FGF14: variants seen among roughly 807,000 people sequenced by gnomAD.
FGF14 encodes the protein fibroblast growth factor homologous factor 4.
A neutral mutation model predicts 25.5 loss-of-function variants in FGF14; 5 were observed. The ratio of observed to expected loss-of-function variants is 0.20; its 90% CI spans 0.10 to 0.41. The LOEUF (loss-of-function observed/expected upper bound fraction) is 0.41, where lower values mean the gene tolerates loss of function less well. Ranked by LOEUF, FGF14 falls within the 10% of genes least tolerant of loss-of-function variation. The probability of loss-of-function intolerance (pLI) is 1.00; values close to 1 mark genes in which losing one functional copy is unlikely to be tolerated. For missense variants in FGF14, 222 were observed against 320.1 expected (o/e 0.69, Z 2.34); for synonymous variants, 138 against 118.3 (o/e 1.17, Z -1.08).
intron 1 of FGF14, among the ~76,000 whole-genome samples, chr13:102,200,973 G>A (rs1454203354): frequency 6.6e-6 from 1 of 151,796 alleles, no homozygotes; most frequent in Non-Finnish European, 1.5e-5. Context: ...GTGGTGGGGG[G>A]CGCCTGTAGT....
intron 3 of FGF14, among the ~76,000 whole-genome samples, chr13:101,864,663 A>G: frequency 6.6e-6 from 1 of 152,122 alleles, no homozygotes; most frequent in East Asian, 1.9e-4. Flanking sequence ...AAAGGATTAT[A>G]TTTCTCTCCA....
intron 1 of FGF14, among the ~76,000 whole-genome samples, chr13:102,222,060 C>T (rs544647489): frequency 1.7e-3 from 252 of 152,246 alleles, no homozygotes; most frequent in African/African-American, 5.5e-3. Context: ...TTATTATACA[C>T]CTCCAAATCC....
chr13:102,177,409 T>G (rs1027200602), intron 1 of FGF14, among the ~76,000 whole-genome samples: 2 of 152,176 alleles, frequency 1.3e-5, no homozygotes, highest in Non-Finnish European at 2.9e-5. Flanking sequence ...GGTGTGCCTC[T>G]CACTTCTTTA....
At chr13:101,914,190 A>T (rs1388942042) in intron 1 of FGF14, among the ~76,000 whole-genome samples, 1 of 151,256 alleles carries the variant, frequency 6.6e-6, no homozygotes, top group Non-Finnish European at 1.5e-5. Context: ...ATAAGACTTA[A>T]TTAAATGAAT....
At chr13:102,370,693 T>C (rs2057853462) in intron 1 of FGF14, among the ~76,000 whole-genome samples, 2 of 152,230 alleles carry the variant, frequency 1.3e-5, no homozygotes, top group Non-Finnish European at 1.5e-5. Flanking sequence ...TTTGCCAATG[T>C]GCATCCTGTT....
intron 3 of FGF14, among the ~76,000 whole-genome samples, chr13:101,744,950 C>T (rs1455021949): frequency 1.3e-5 from 2 of 151,828 alleles, no homozygotes; most frequent in Admixed American, 1.3e-4. Flanking sequence ...AAAGAAGGCA[C>T]CAAACATCAA....
intron 1 of FGF14, among the ~76,000 whole-genome samples, chr13:102,050,761 A>C (rs927711517): frequency 2.0e-5 from 3 of 152,166 alleles, no homozygotes; most frequent in Non-Finnish European, 4.4e-5. Context: ...AAAAATTGGC[A>C]GCAATACAGT....
At chr13:101,811,161 T>C (rs960556419) in intron 3 of FGF14, among the ~76,000 whole-genome samples, 14 of 152,190 alleles carry the variant, frequency 9.2e-5, no homozygotes, top group African/African-American at 3.4e-4. Context: ...CTCTTGGTGC[T>C]GCACATTCCA....
chr13:101,980,580 G>A (rs889940094), intron 1 of FGF14, among the ~76,000 whole-genome samples: 3 of 152,168 alleles, frequency 2.0e-5, no homozygotes, highest in Non-Finnish European at 4.4e-5. Flanking sequence ...GGTCTTTGAA[G>A]AGGCAGCTGC....
chr13:101,950,013 T>C (rs1359759826), intron 1 of FGF14, among the ~76,000 whole-genome samples: 1 of 152,150 alleles, frequency 6.6e-6, no homozygotes, highest in Non-Finnish European at 1.5e-5. Flanking sequence ...TTTTCTTTTT[T>C]TTTCATTTTC....
At position 102,200,619 on chromosome 13, in the gene FGF14, GTT is replaced by G. The variant is rs5806283; in HGVS notation, c.208+200850_208+200851del. ...CAGGTCTTCTCATTCCCATTTGATT[GTT>G]TTTTTTTTTTTTCAACCAGGCTGTT... On this transcript the variant is annotated intron_variant, in intron 1 of 4. Coordinates refer to the FGF14 transcript ENST00000376131. 8.7e-4 allele frequency among the ~76,000 whole-genome samples: 126 copies of G among 144,992 alleles called. 1 individual carries two copies. The highest frequency in any genetic ancestry group is 4.7e-3 in the East Asian group (23 of 4,920).
At chr13:101,904,331 G>A (rs1043949018) in intron 1 of FGF14, among the ~76,000 whole-genome samples, 6 of 151,984 alleles carry the variant, frequency 3.9e-5, no homozygotes, top group Admixed American at 3.9e-4. Context: ...ACAAAATGCA[G>A]GTGAAATTTG....
At chr13:101,977,487 G>A (rs1488365558) in intron 1 of FGF14, among the ~76,000 whole-genome samples, 1 of 152,112 alleles carries the variant, frequency 6.6e-6, no homozygotes, top group Non-Finnish European at 1.5e-5. Flanking sequence ...GAATTTCCTG[G>A]CCATGGTAGT....
chr13:101,811,002 T>G (rs1330137917), intron 3 of FGF14, among the ~76,000 whole-genome samples: 1 of 151,800 alleles, frequency 6.6e-6, no homozygotes, highest in African/African-American at 2.4e-5. Flanking sequence ...AGATTTTCCA[T>G]ATGCATCCTG....
At chr13:101,897,449 G>A (rs548715105) in intron 1 of FGF14, among the ~76,000 whole-genome samples, 14 of 152,292 alleles carry the variant, frequency 9.2e-5, no homozygotes, top group Middle Eastern at 3.4e-3. Context: ...AGAATACTCA[G>A]ATTTCTTGTC....
intron 1 of FGF14, among the ~76,000 whole-genome samples, chr13:102,255,683 G>A (rs922570063): frequency 1.3e-5 from 2 of 152,126 alleles, no homozygotes; most frequent in Non-Finnish European, 2.9e-5. Context: ...TTCTGCTTCT[G>A]GGGGGCAAGT....
Position 101,715,738 on chromosome 13 carries a change from A to G in FGF14, c.*7093T>C. 2 of 809,788 alleles carry G rather than the reference A, an allele frequency of 2.5e-6. No individual in the cohort carries two copies. Among genetic ancestry groups the G allele is most frequent in the South Asian group, 1.5e-5 (1 of 64,642 alleles). The allele number at this position is 809,788 out of a possible 1,614,324, so 50.2% of individuals were successfully genotyped here. On this transcript the variant is annotated 3_prime_UTR_variant, in exon 5 of 5. Transcript: ENST00000376143. ...GCGAAGGAAACCATGTATATTCACC[A>G]CTAGGACAGGTTAAAAAGACCATTG...
At chr13:101,770,888 T>C (rs1452454078) in intron 3 of FGF14, among the ~76,000 whole-genome samples, 1 of 152,068 alleles carries the variant, frequency 6.6e-6, no homozygotes, top group African/African-American at 2.4e-5. Flanking sequence ...AGGAACTAAC[T>C]TATTGAGGAA....
intron 3 of FGF14, among the ~76,000 whole-genome samples, chr13:101,796,709 A>G (rs952953611): frequency 6.6e-6 from 1 of 152,064 alleles, no homozygotes; most frequent in Admixed American, 6.6e-5. Context: ...GCTATGAGTG[A>G]AGGAGAGAGG....
Sources: gnomAD v4.1 joint callset for allele counts (sites outside exome capture counted in the v4.1 genomes callset) on GRCh38, gnomAD v4.1.1 for gene constraint, MANE v1.5 for transcripts, NCBI Gene and HGNC (gene_info 2026-07-23, HGNC 2026-07-21) for gene names.